GGA2: variants seen among roughly 807,000 people sequenced by gnomAD.
The protein encoded by GGA2 is golgi associated, gamma adaptin ear containing, ARF binding protein 2, also known as ADP-ribosylation factor-binding protein GGA2.
GGA2 carries 48 observed loss-of-function variants against 79.5 expected under a neutral mutation model. The ratio of observed to expected loss-of-function variants is 0.60; its 90% CI spans 0.48 to 0.77. The LOEUF (loss-of-function observed/expected upper bound fraction) is 0.77. GGA2 is among the 30% of genes least tolerant of loss of function. The pLI is 0.00. For missense variants in GGA2, 770 were observed against 774.0 expected (o/e 0.99, Z 0.06); for synonymous variants, 317 against 302.0 (o/e 1.05, Z -0.51).
intron 8 of GGA2, 34 bp downstream of exon 8, chr16:23,485,981 A>G (rs369479163): frequency 1.3e-6 from 2 of 1,599,142 alleles, no homozygotes; most frequent in African/African-American, 2.7e-5. Context: ...ACTTTAGTAA[A>G]CATGTGCAGC....
At position 23,510,275 on chromosome 16, in the gene GGA2, C is replaced by G. The variant is rs1483600508; in HGVS notation, c.91+46G>C. On this transcript the variant is annotated intron_variant, in intron 1 of 16. Coordinates refer to ENST00000309859, the MANE Select transcript of GGA2 (RefSeq NM_015044.4). ...CCCCGGGAGGCGGGAAGCGAGGCCT[C>G]ACGTGCGGCGCAGCGGCTGCGCCGA... 4 of 1,282,648 alleles carry G rather than the reference C, an allele frequency of 3.1e-6. 1 individual carries two copies. The highest frequency in any genetic ancestry group is 4.1e-6 in the Non-Finnish European group (4 of 970,600). 79.5% of individuals were successfully genotyped at this position (1,282,648 alleles called of 1,614,324 possible).
intron 5 of GGA2, 22 bp downstream of exon 5, chr16:23,491,655 G>C (rs1442209655): frequency 3.1e-6 from 5 of 1,609,118 alleles, no homozygotes; most frequent in Non-Finnish European, 4.2e-6. Flanking sequence ...GAGGAAATAA[G>C]ACACAGTAAG....
In GGA2 at chr16:23,475,000, C is replaced by G. The variant is rs751236894; in HGVS notation, c.1354G>C (p.Gly452Arg). ...AACGGGCCAGCCTCCCAGGACCAAC[C>G]TGGAGAGGACTTAGTACCTGGTGGC... ...EVPPGTKSSPGWSWEAGPLAP... is the reference protein window; with the variant it reads ...EVPPGTKSSPRWSWEAGPLAP... Residue 452 changes from glycine (G) to arginine (R), a missense_variant, in exon 14 of 17, where the codon GGT (glycine) becomes CGT (arginine). Physicochemically the swap from Gly to Arg is moderately radical, Grantham distance 125 (BLOSUM62 -2). Transcript: ENST00000309859. 1 of 1,610,628 alleles carries G rather than the reference C, an allele frequency of 6.2e-7. No individual in the cohort carries two copies. The highest frequency in any genetic ancestry group is 8.5e-7 in the Non-Finnish European group (1 of 1,177,130).
intron 1 of GGA2, among the ~76,000 whole-genome samples, chr16:23,500,480 C>T (rs1964908590): frequency 6.6e-6 from 1 of 152,178 alleles, no homozygotes; most frequent in African/African-American, 2.4e-5. Flanking sequence ...GGAGTGGAGG[C>T]ACAGCAGATG....
At chr16:23,510,526 G>C (rs1369620908), upstream of GGA2, 1 of 411,876 alleles carries the variant, frequency 2.4e-6, no homozygotes, top group Non-Finnish European at 4.1e-6. Flanking sequence ...TGACGGGGCG[G>C]GGCCGCTGGC....
chr16:23,483,523 G>A (rs1262148016), intron 8 of GGA2, among the ~76,000 whole-genome samples: 1 of 152,224 alleles, frequency 6.6e-6, no homozygotes, highest in African/African-American at 2.4e-5. Context: ...AAACTGGAAT[G>A]CAGAGGGAGA....
At chr16:23,503,669 A>G (rs753919942) in intron 1 of GGA2, among the ~76,000 whole-genome samples, 2 of 152,228 alleles carry the variant, frequency 1.3e-5, no homozygotes, top group Non-Finnish European at 2.9e-5. Flanking sequence ...TGTGTAAAAT[A>G]CTTCGTGCCC....
Position 23,494,162 on chromosome 16 carries a change from T to C in GGA2, c.252+141A>G, listed in dbSNP as rs568721772. The C allele has an allele frequency of 5.0e-4, 332 of 657,798 alleles. 1 individual carries two copies. Among genetic ancestry groups the C allele is most frequent in the Non-Finnish European group, 7.5e-5 (27 of 362,328 alleles). The allele number at this position is 657,798 out of a possible 1,614,324, so 40.7% of individuals were successfully genotyped here. On this transcript the variant is annotated intron_variant, in intron 3 of 16. Coordinates refer to ENST00000309859, the MANE Select transcript of GGA2 (RefSeq NM_015044.4). ...GTGGGGACCCTGGCCCAGATCTCCC[T>C]CCTCCAACCTGCTGTGAAGGTAAAC...
intron 1 of GGA2, among the ~76,000 whole-genome samples, chr16:23,509,790 A>T (rs1328294777): frequency 7.0e-6 from 1 of 143,476 alleles, no homozygotes; most frequent in Non-Finnish European, 1.5e-5. Flanking sequence ...GTGTGTGTTT[A>T]AAAAAAAAAG....
chr16:23,486,053 T>G lies in GGA2; in HGVS notation c.760A>C (p.Arg254=). The G allele has an allele frequency of 6.2e-7, 1 of 1,614,212 alleles. No homozygotes were observed. The highest frequency in any genetic ancestry group is 8.5e-7 in the Non-Finnish European group (1 of 1,180,016). The change falls in exon 8 of 17, where the codon AGG becomes CGG. Residue 254 remains arginine (R), a synonymous_variant. Coordinates refer to ENST00000309859, the MANE Select transcript of GGA2 (RefSeq NM_015044.4). ...VLQEMLSMYR[R]PGQAPPDQEA... is the part of the protein sequence containing the mutation. ...TGGTCGGGCGGGGCCTGCCCTGGCC[T>G]GCGGTACATGCTCAGCATCTCCTGC...
At chr16:23,510,298 C>T in intron 1 of GGA2, 23 bp downstream of exon 1, 15 of 1,398,394 alleles carry the variant, frequency 1.1e-5, no homozygotes, top group Non-Finnish European at 1.4e-5. Flanking sequence ...GCGGCTGCGC[C>T]GAAGGCCTGC....
intron 1 of GGA2, among the ~76,000 whole-genome samples, chr16:23,508,406 C>CG (rs1964999297): frequency 6.6e-6 from 1 of 152,114 alleles, no homozygotes; most frequent in Admixed American, 6.6e-5. Context: ...TCTCCATTGC[C>CG]TCCTAAAACT....
intron 1 of GGA2, among the ~76,000 whole-genome samples, chr16:23,520,940 TACC>T (rs766013980): frequency 2.6e-5 from 4 of 152,062 alleles, no homozygotes; most frequent in Non-Finnish European, 4.4e-5. Flanking sequence ...TATAGGTATG[TACC>T]ACCACACCTG....
At position 23,467,465 on chromosome 16, in the gene GGA2, A is replaced by G. The variant is rs1964455042; in HGVS notation, c.*125T>C. On this transcript the variant is annotated 3_prime_UTR_variant, in exon 17 of 17. Transcript: ENST00000309859. Reference sequence around the variant, plus strand: ...TCTGCAGAATAAGTCAGAGGTTGACACCCAGAGCCTGACGTCAGGATAGGA... The same window carrying G: ...TCTGCAGAATAAGTCAGAGGTTGACGCCCAGAGCCTGACGTCAGGATAGGA... The G allele has an allele frequency of 1.6e-6, 1 of 634,660 alleles. No individual in the cohort carries two copies. The allele number at this position is 634,660 out of a possible 1,614,324, so 39.3% of individuals were successfully genotyped here.
chr16:23,491,299 C>G (rs1336388932), intron 5 of GGA2, among the ~76,000 whole-genome samples: 2 of 99,812 alleles, frequency 2.0e-5, no homozygotes, highest in Non-Finnish European at 4.0e-5. Flanking sequence ...AGGGCAACAC[C>G]TTGTCTCAAA....
chr16:23,519,612 C>A (rs1370881077), exon 2 of GGA2: 1 of 425,570 alleles, frequency 2.3e-6, no homozygotes. Context: ...AGCTGTTGGC[C>A]AACTGCAGAG....
intron 14 of GGA2, 59 bp from the exon 15 acceptor site, chr16:23,470,224 G>A (rs1596974434): frequency 7.4e-7 from 1 of 1,342,508 alleles, no homozygotes; most frequent in African/African-American, 1.5e-5. Context: ...CGGACAGCCA[G>A]GCTGGAAAGA....
intron 1 of GGA2, among the ~76,000 whole-genome samples, chr16:23,520,465 TGAG>T (rs1044913897): frequency 1.3e-5 from 2 of 151,904 alleles, no homozygotes; most frequent in Admixed American, 6.6e-5. Context: ...GGGATGGGCT[TGAG>T]GTTATTTAAA....
At chr16:23,475,809 A>G (rs1349100099) in intron 13 of GGA2, among the ~76,000 whole-genome samples, 1 of 152,102 alleles carries the variant, frequency 6.6e-6, no homozygotes, top group African/African-American at 2.4e-5. Context: ...ACACGCTTGT[A>G]ATACCAGCTA....
Sources: allele counts gnomAD v4.1 joint callset (sites outside exome capture counted in the v4.1 genomes callset), GRCh38; gene constraint gnomAD v4.1.1; transcripts MANE v1.5; gene names NCBI Gene and HGNC (gene_info 2026-07-23, HGNC 2026-07-21).